Variants in ZNF529 observed in about 807,000 individuals in gnomAD.
ZNF529 encodes zinc finger protein 529.
A neutral mutation model predicts 10.1 loss-of-function variants in ZNF529; 11 were observed. The observed-to-expected ratio is 1.09, with a 90% CI of 0.69 to 1.81. The LOEUF (loss-of-function observed/expected upper bound fraction) is 1.81. ZNF529 is among the 40% of genes most tolerant of loss of function. The probability of loss-of-function intolerance (pLI) is 0.00; values close to 1 mark genes in which losing one functional copy is unlikely to be tolerated. For synonymous variants in ZNF529, 204 were observed against 215.7 expected, an observed-to-expected ratio of 0.95 and a Z score of 0.47; for missense variants, 624 against 666.8, an observed-to-expected ratio of 0.94 and a Z score of 0.71.
chr19:36,579,377 A>G (rs985901376), intron 2 of ZNF529, among the ~76,000 whole-genome samples: 3 of 152,204 alleles, frequency 2.0e-5, no homozygotes, highest in Admixed American at 2.0e-4. Flanking sequence ...GTCATAAAAG[A>G]GCAGGTCATT....
At position 36,547,917 on chromosome 19, in the gene ZNF529, C is replaced by A. The variant is rs1467838666; in HGVS notation, c.641G>T (p.Ser214Ile). 6.2e-7 allele frequency: 1 copy of A among 1,612,754 alleles called. No homozygotes were observed. The highest frequency in any genetic ancestry group is 1.7e-5 in the Admixed American group (1 of 59,818). The change falls in exon 5 of 5, where the codon AGT becomes ATT. Residue 214 changes from serine (S) to isoleucine (I), a missense_variant. Transcript: ENST00000591340. The part of the protein sequence containing the change: ...CWKTFGIDNS[S>I]MLQLNIHTGV... ...AGTATGAATATTCAGTTGTAACATA[C>A]TGGAGTTATCTATCCCAAAGGTTTT... is the stretch of plus-strand genomic sequence containing the variant.
intron 2 of ZNF529, among the ~76,000 whole-genome samples, chr19:36,558,910 T>C (rs892718545): frequency 1.3e-5 from 2 of 148,640 alleles, no homozygotes; most frequent in Non-Finnish European, 3.0e-5. Flanking sequence ...TATCTAAATA[T>C]ATAAGAAATT....
chr19:36,567,870 TAA>T (rs2035955867), intron 2 of ZNF529, among the ~76,000 whole-genome samples: 1 of 152,162 alleles, frequency 6.6e-6, no homozygotes, highest in Non-Finnish European at 1.5e-5. Flanking sequence ...AAGAAACTGA[TAA>T]GACAGCCTGC....
At position 36,547,886 on chromosome 19, in the gene ZNF529, C is replaced by T. The variant is rs1027192490; in HGVS notation, c.672G>A (p.Val224=). ...SMLQLNIHTG[V]KPCKYMEYGN... ...CATATTCCATATATTTACAAGGTTT[C>T]ACACCAGTATGAATATTCAGTTGTA... The change falls in exon 5 of 5, where the codon GTG becomes GTA. Residue 224 remains valine, a synonymous_variant. Transcript: ENST00000591340. 11 of 1,612,194 alleles carry T rather than the reference C, an allele frequency of 6.8e-6. No individual in the cohort carries two copies. Among genetic ancestry groups the T allele is most frequent in the Middle Eastern group, 1.6e-4 (1 of 6,078 alleles).
At chr19:36,598,123 G>T (rs1238542683) in intron 1 of ZNF529, among the ~76,000 whole-genome samples, 4 of 152,228 alleles carry the variant, frequency 2.6e-5, no homozygotes, top group Non-Finnish European at 5.9e-5. Flanking sequence ...TGCCTGGGTA[G>T]GATTCAGCTT....
intron 2 of ZNF529, among the ~76,000 whole-genome samples, chr19:36,560,520 C>A (rs1475343624): frequency 6.6e-6 from 1 of 151,898 alleles, no homozygotes; most frequent in East Asian, 1.9e-4. Context: ...TGAGGAGAAC[C>A]CAAAGTGAGA....
intron 1 of ZNF529, among the ~76,000 whole-genome samples, chr19:36,598,460 CTTGA>C (rs1196429268): frequency 6.6e-6 from 1 of 151,728 alleles, no homozygotes; most frequent in Non-Finnish European, 1.5e-5. Context: ...TACAGTGTGC[CTTGA>C]TTGCACCACT....
intron 1 of ZNF529, 96 bp from the exon 2 acceptor site, chr19:36,572,488 A>T: frequency 1.1e-6 from 1 of 921,022 alleles, no homozygotes; most frequent in Non-Finnish European, 1.7e-6. Context: ...ACACACAACA[A>T]ACACACCCAG....
chr19:36,575,109 G>A (rs2036283653), upstream of ZNF529, among the ~76,000 whole-genome samples: 1 of 152,200 alleles, frequency 6.6e-6, no homozygotes, highest in South Asian at 2.1e-4. Flanking sequence ...TAAGATCACA[G>A]GAAACTGAAT....
At chr19:36,604,554 A>AT (rs2036987152) in intron 1 of ZNF529, among the ~76,000 whole-genome samples, 1 of 151,664 alleles carries the variant, frequency 6.6e-6, no homozygotes, top group South Asian at 2.1e-4. Context: ...TGTATTATGC[A>AT]TTATGAAAGC....
intron 3 of ZNF529, among the ~76,000 whole-genome samples, chr19:36,555,702 C>T (rs1051317000): frequency 1.3e-5 from 2 of 152,180 alleles, no homozygotes; most frequent in African/African-American, 4.8e-5. Context: ...AGAAGGTCTT[C>T]TCCAATGCTG....
chr19:36,548,775 C>G (rs113962629), intron 4 of ZNF529, among the ~76,000 whole-genome samples: 1 of 152,164 alleles, frequency 6.6e-6, no homozygotes. Context: ...AATCCTAGCA[C>G]TCTGGGAGGG....
intron 2 of ZNF529, chr19:36,580,109 G>A (rs1199891050): frequency 6.6e-6 from 1 of 152,080 alleles, no homozygotes; most frequent in Non-Finnish European, 1.5e-5. Flanking sequence ...AGGGTCTAGA[G>A]TATCAATATG....
At chr19:36,569,443 G>A (rs1024748827) in intron 2 of ZNF529, among the ~76,000 whole-genome samples, 8 of 152,104 alleles carry the variant, frequency 5.3e-5, no homozygotes, top group African/African-American at 1.9e-4. Context: ...ATAAATAAGT[G>A]AGATATCAAC....
At chr19:36,555,952 G>A (rs2035453035) in intron 3 of ZNF529, among the ~76,000 whole-genome samples, 152 bp downstream of exon 3, 1 of 152,170 alleles carries the variant, frequency 6.6e-6, no homozygotes, top group Non-Finnish European at 1.5e-5. Flanking sequence ...GGGAATAGAG[G>A]CACACAGGAG....
chr19:36,548,285 T>TCAAA lies in ZNF529; in HGVS notation c.272_273insTTTG (p.Gly92LeufsTer19). 3.7e-6 allele frequency: 6 copies of TCAAA among 1,603,652 alleles called. No homozygotes were observed. The highest frequency in any genetic ancestry group is 5.1e-6 in the Non-Finnish European group (6 of 1,174,290). On this transcript the variant is annotated frameshift_variant, in exon 5 of 5. Coordinates refer to ENST00000591340, the MANE Select transcript of ZNF529 (RefSeq NM_020951.5). LOFTEE classifies it low-confidence loss of function (END_TRUNC). ...CAGTGTTTTGAATAATATCTTTTCC[T>TCAAA]ACAGATAAATGCTTAGTCTCATTCC...
At chr19:36,551,510 T>A (rs2035256411) in intron 4 of ZNF529, among the ~76,000 whole-genome samples, 1 of 152,142 alleles carries the variant, frequency 6.6e-6, no homozygotes, top group African/African-American at 2.4e-5. Context: ...TGAGACTTAA[T>A]AGAAGGTATG....
intron 2 of ZNF529, among the ~76,000 whole-genome samples, chr19:36,562,236 C>T (rs1453859624): frequency 4.6e-5 from 7 of 151,946 alleles, no homozygotes; most frequent in Admixed American, 4.6e-4. Context: ...AAAGAAATGT[C>T]TGCCTTATTC....
chr19:36,559,354 G>A (rs908128449), intron 2 of ZNF529, among the ~76,000 whole-genome samples: 2 of 152,102 alleles, frequency 1.3e-5, no homozygotes, highest in African/African-American at 2.4e-5. Flanking sequence ...TTTCACCCAC[G>A]GTGGAGTGCA....
Sources: gnomAD v4.1 joint callset for allele counts (sites outside exome capture counted in the v4.1 genomes callset) on GRCh38, gnomAD v4.1.1 for gene constraint, MANE v1.5 for transcripts, NCBI Gene and HGNC (gene_info 2026-07-23, HGNC 2026-07-21) for gene names.